Variants in PDE3B observed in about 807,000 individuals in gnomAD.
PDE3B encodes the protein cGMP-inhibited 3',5'-cyclic phosphodiesterase 3B.
A neutral mutation model predicts 116.8 loss-of-function variants in PDE3B; 66 were observed. That is an observed-to-expected ratio of 0.56 (90% CI 0.46 to 0.69). PDE3B has a LOEUF of 0.69. Ranked by LOEUF, PDE3B falls within the 30% of genes least tolerant of loss-of-function variation. PDE3B has a pLI of 0.00. For synonymous variants in PDE3B, 595 were observed against 533.6 expected (o/e 1.12, Z -1.59); for missense variants, 1,384 against 1,368.1 (o/e 1.01, Z -0.18).
At chr11:14,834,923 A>T (rs1378083375) in intron 10 of PDE3B, 59 bp from the exon 11 acceptor site, 1 of 860,814 alleles carries the variant, frequency 1.2e-6, no homozygotes, top group Non-Finnish European at 1.9e-6. Context: ...CTAGGAAATT[A>T]TTGTACTTTT....
At chr11:14,707,199 T>A (rs891150671) in intron 1 of PDE3B, among the ~76,000 whole-genome samples, 20 of 151,918 alleles carry the variant, frequency 1.3e-4, no homozygotes, top group Admixed American at 3.3e-4. Context: ...CTTTGTGAGA[T>A]GACATTTGAG....
chr11:14,693,529 T>G (rs1349730009), intron 1 of PDE3B, among the ~76,000 whole-genome samples: 1 of 152,112 alleles, frequency 6.6e-6, no homozygotes, highest in Non-Finnish European at 1.5e-5. Flanking sequence ...CTAGGGCCCT[T>G]AAGAATTATG....
At chr11:14,889,867 A>G in the PDE3B span, among the ~76,000 whole-genome samples, 1 of 152,068 alleles carries the variant, frequency 6.6e-6, no homozygotes, top group Non-Finnish European at 1.5e-5. Flanking sequence ...AGTGGCTCAC[A>G]CCTGTAATCC....
intron 4 of PDE3B, among the ~76,000 whole-genome samples, chr11:14,792,439 A>C (rs971439032): frequency 1.3e-5 from 2 of 152,210 alleles, no homozygotes; most frequent in African/African-American, 2.4e-5. Flanking sequence ...TTGTGTAAAG[A>C]ATAATACAGG....
the PDE3B span, among the ~76,000 whole-genome samples, chr11:14,898,405 A>G: frequency 6.6e-6 from 1 of 152,052 alleles, no homozygotes; most frequent in African/African-American, 2.4e-5. Context: ...ATGGGGCAGT[A>G]ATTTTCCTGA....
chr11:14,729,267 A>G (rs1446487109), intron 1 of PDE3B, among the ~76,000 whole-genome samples: 3 of 152,254 alleles, frequency 2.0e-5, no homozygotes, highest in Non-Finnish European at 4.4e-5. Flanking sequence ...ATAAAATGAC[A>G]GTAATGTATT....
At chr11:14,866,687 T>C (rs1555008112) in intron 14 of PDE3B, among the ~76,000 whole-genome samples, 1 of 152,176 alleles carries the variant, frequency 6.6e-6, no homozygotes, top group Non-Finnish European at 1.5e-5. Context: ...CCTGCAGAAT[T>C]TGTACATTGT....
chr11:14,725,297 CTTTCTTTCTTTCTCTT>C (rs1565109610), intron 1 of PDE3B, among the ~76,000 whole-genome samples: 64 of 129,306 alleles, frequency 4.9e-4, no homozygotes, highest in Non-Finnish European at 7.9e-4. Context: ...CTTTTTCTTT[CTTTCTTTCTTTCTCTT>C]TCTTTCTTTC....
intron 1 of PDE3B, among the ~76,000 whole-genome samples, chr11:14,701,430 A>C (rs577327976): frequency 7.2e-5 from 11 of 151,730 alleles, no homozygotes; most frequent in Non-Finnish European, 1.5e-4. Flanking sequence ...AATTTCCTTC[A>C]AGTAATATAT....
chr11:14,685,592 A>T (rs1237046627), intron 1 of PDE3B, among the ~76,000 whole-genome samples: 2 of 151,130 alleles, frequency 1.3e-5, no homozygotes, highest in African/African-American at 4.9e-5. Flanking sequence ...AGTAGCTGGG[A>T]TTACAGACGT....
At chr11:14,790,923 C>T (rs1398301742) in intron 4 of PDE3B, among the ~76,000 whole-genome samples, 1 of 151,838 alleles carries the variant, frequency 6.6e-6, no homozygotes, top group African/African-American at 2.4e-5. Context: ...TCAGTGCTGT[C>T]TAATAGAAAT....
intron 5 of PDE3B, among the ~76,000 whole-genome samples, chr11:14,808,246 A>C (rs1474106260): frequency 2.0e-5 from 3 of 152,220 alleles, no homozygotes; most frequent in South Asian, 2.1e-4. Flanking sequence ...CAATTAGTTC[A>C]GGTAAGTCAC....
At chr11:14,783,515 A>T (rs1858095315) in intron 2 of PDE3B, among the ~76,000 whole-genome samples, 1 of 152,202 alleles carries the variant, frequency 6.6e-6, no homozygotes, top group African/African-American at 2.4e-5. Flanking sequence ...AAGGACAGAA[A>T]ACCAAACACC....
intron 12 of PDE3B, among the ~76,000 whole-genome samples, chr11:14,850,036 C>T (rs1207990931): frequency 6.6e-6 from 1 of 152,058 alleles, no homozygotes; most frequent in Non-Finnish European, 1.5e-5. Flanking sequence ...GACACATGCA[C>T]ACGTATGTTT....
chr11:14,774,776 G>A (rs972797776), intron 2 of PDE3B: 11 of 152,180 alleles, frequency 7.2e-5, no homozygotes, highest in South Asian at 2.1e-4. Flanking sequence ...CATTTCTCTC[G>A]TTTCACCCAG....
At chr11:14,663,490 T>C (rs939311852) in intron 1 of PDE3B, among the ~76,000 whole-genome samples, 2 of 152,000 alleles carry the variant, frequency 1.3e-5, no homozygotes, top group Non-Finnish European at 2.9e-5. Flanking sequence ...GGCTAAATGC[T>C]CCAATTAAAA....
chr11:14,689,556 A>G (rs1328726898), intron 1 of PDE3B, among the ~76,000 whole-genome samples: 1 of 152,128 alleles, frequency 6.6e-6, no homozygotes, highest in Non-Finnish European at 1.5e-5. Context: ...TTGGGAATGG[A>G]TGAGACTGAA....
chr11:14,798,600 C>T (rs1464000772), intron 4 of PDE3B, among the ~76,000 whole-genome samples: 1 of 152,140 alleles, frequency 6.6e-6, no homozygotes, highest in Non-Finnish European at 1.5e-5. Context: ...ATTACTGCCT[C>T]CATTTCAGAG....
rs1349341415 is a variant in PDE3B, at chr11:14,675,047, G to C, written c.978+29994G>C. On this transcript the variant is annotated intron_variant, in intron 1 of 15. Transcript: ENST00000282096. ...ATAATATTTCTATTAAGGCAGTTTG[G>C]GATAAGGGATTACTTATTGCTTTTA... Among the ~76,000 whole-genome samples, 5 of 152,142 alleles carry C rather than the reference G, an allele frequency of 3.3e-5. No homozygotes were observed. In the East Asian group the frequency reaches 7.7e-4, roughly 23 times the overall value.
Sources: allele counts gnomAD v4.1 joint callset (sites outside exome capture counted in the v4.1 genomes callset), GRCh38; gene constraint gnomAD v4.1.1; transcripts MANE v1.5; gene names NCBI Gene and HGNC (gene_info 2026-07-23, HGNC 2026-07-21).